The following CSMD1 variants were observed in gnomAD, a reference collection of about 807,000 sequenced individuals.
CSMD1 encodes CUB and Sushi multiple domains 1.
Under a neutral mutation model 417.5 loss-of-function variants are expected in CSMD1, and 213 were observed. The ratio of observed to expected loss-of-function variants is 0.51; its 90% confidence interval spans 0.46 to 0.57. CSMD1 has a LOEUF of 0.57. CSMD1 is among the 20% of genes least tolerant of loss of function. CSMD1 has a pLI of 0.00. For missense variants in CSMD1, 6,923 were observed against 4,529.7 expected, an observed-to-expected ratio of 1.53 and a Z score of -15.17; for synonymous variants, 2,862 against 1,736.8, an observed-to-expected ratio of 1.65 and a Z score of -16.11.
At chr8:3,532,247 G>A (rs1413997389) in intron 10 of CSMD1, among the ~76,000 whole-genome samples, 2 of 152,156 alleles carry the variant, frequency 1.3e-5, no homozygotes, top group Non-Finnish European at 2.9e-5. Flanking sequence ...AACTCTAGGT[G>A]TCAAGCCAGA....
intron 1 of CSMD1, among the ~76,000 whole-genome samples, chr8:4,683,715 A>T (rs747433589): frequency 9.9e-5 from 15 of 152,192 alleles, no homozygotes; most frequent in Non-Finnish European, 1.3e-4. Flanking sequence ...AGGGGTCCTG[A>T]TTTACTGGTA....
intron 3 of CSMD1, among the ~76,000 whole-genome samples, chr8:4,316,119 CTT>C (rs1254729937): frequency 6.6e-6 from 1 of 152,100 alleles, no homozygotes; most frequent in Non-Finnish European, 1.5e-5. Flanking sequence ...TGTTAACCCT[CTT>C]AACCATTCAA....
chr8:3,547,352 C>T (rs909441665), intron 10 of CSMD1, among the ~76,000 whole-genome samples: 4 of 152,130 alleles, frequency 2.6e-5, no homozygotes, highest in Non-Finnish European at 4.4e-5. Flanking sequence ...TTTGTACGGT[C>T]GAAAAATATC....
intron 5 of CSMD1, among the ~76,000 whole-genome samples, chr8:3,757,030 C>A (rs921491354): frequency 6.6e-6 from 1 of 152,160 alleles, no homozygotes; most frequent in African/African-American, 2.4e-5. Context: ...CTTGAACTCA[C>A]AGCCTCAAGA....
chr8:4,756,872 A>G (rs1330530766), intron 1 of CSMD1, among the ~76,000 whole-genome samples: 1 of 152,228 alleles, frequency 6.6e-6, no homozygotes, highest in Non-Finnish European at 1.5e-5. Flanking sequence ...TCACTTTTTA[A>G]CCTGAAAGCA....
intron 11 of CSMD1, among the ~76,000 whole-genome samples, chr8:3,489,891 T>C (rs112236377): frequency 6.6e-6 from 1 of 152,208 alleles, no homozygotes; most frequent in Non-Finnish European, 1.5e-5. Context: ...CAGTCTGCCA[T>C]GAAGAGGTTT....
rs147764926 is a variant in CSMD1, at chr8:4,862,722, C to T, written c.85+131610G>A. Among the ~76,000 whole-genome samples the T allele has an allele frequency of 3.3e-5, 5 of 152,130 alleles. No individual in the cohort carries two copies. In the East Asian group the frequency reaches 9.7e-4, roughly 29 times the overall value. On this transcript the variant is annotated intron_variant, in intron 1 of 69. Transcript: ENST00000635120. ...GGCCATGGGAGGAACTGTTCAAGGA[C>T]GTCTGGGCCGGAAATAAAAACACAG... is the stretch of plus-strand genomic sequence containing the variant.
At chr8:3,787,557 G>T (rs1799512657) in intron 5 of CSMD1, among the ~76,000 whole-genome samples, 1 of 152,106 alleles carries the variant, frequency 6.6e-6, no homozygotes, top group Admixed American at 6.5e-5. Context: ...TAGGTAAGAA[G>T]ATACAGATTT....
Position 3,926,100 on chromosome 8 carries a change from C to G in CSMD1, c.818+71803G>C, listed in dbSNP as rs1395790461. On this transcript the variant is annotated intron_variant, in intron 5 of 69. Transcript: ENST00000635120. Reference sequence around the variant, plus strand: ...AACACCATACACACACACACACACACACACACACACACACACACACACACA... The same window carrying G: ...AACACCATACACACACACACACACAGACACACACACACACACACACACACA... Among the ~76,000 whole-genome samples, 118 of 75,324 alleles carry G rather than the reference C, an allele frequency of 1.6e-3. 2 individuals carry two copies. In the Middle Eastern group the frequency reaches 0.029, roughly 19 times the overall value. 49.4% of individuals were successfully genotyped at this position (75,324 alleles called of 152,430 possible). A position where few individuals can be genotyped will look rare whatever the true frequency, so the allele number is the denominator to read the frequency against.
chr8:4,412,008 G>GTGTT (rs1796676265), intron 3 of CSMD1, among the ~76,000 whole-genome samples: 1 of 149,856 alleles, frequency 6.7e-6, no homozygotes, highest in South Asian at 2.1e-4. Context: ...GTGTGTGTGT[G>GTGTT]TGTGTGTGTA....
At chr8:4,225,216 G>C (rs376264782) in intron 3 of CSMD1, among the ~76,000 whole-genome samples, 12 of 152,140 alleles carry the variant, frequency 7.9e-5, no homozygotes, top group African/African-American at 2.2e-4. Context: ...CCATAAACCA[G>C]AGACGGCTAG....
chr8:4,418,247 T>C (rs929245522), intron 3 of CSMD1, among the ~76,000 whole-genome samples: 1 of 152,072 alleles, frequency 6.6e-6, no homozygotes, highest in Non-Finnish European at 1.5e-5. Flanking sequence ...AAAAAATAAA[T>C]CCAAGTTACT....
At chr8:3,170,439 A>T (rs1159067705) in intron 37 of CSMD1, among the ~76,000 whole-genome samples, 2 of 151,926 alleles carry the variant, frequency 1.3e-5, no homozygotes, top group African/African-American at 4.8e-5. Context: ...CGATCTCCTG[A>T]CCTTGTCATC....
intron 2 of CSMD1, among the ~76,000 whole-genome samples, chr8:4,578,723 A>C (rs1333855262): frequency 1.3e-5 from 2 of 149,384 alleles, no homozygotes; most frequent in African/African-American, 5.0e-5. Context: ...CTGAGGCAAG[A>C]TAATTGCTTG....
At chr8:4,440,807 C>T (rs1798423442) in intron 2 of CSMD1, among the ~76,000 whole-genome samples, 1 of 151,960 alleles carries the variant, frequency 6.6e-6, no homozygotes, top group African/African-American at 2.4e-5. Flanking sequence ...ACCAGCCTGG[C>T]TAACATGCTC....
intron 3 of CSMD1, among the ~76,000 whole-genome samples, chr8:4,368,456 G>C (rs888207862): frequency 6.6e-6 from 1 of 152,120 alleles, no homozygotes; most frequent in Non-Finnish European, 1.5e-5. Flanking sequence ...CTCTACCAGG[G>C]TTTTAATATC....
chr8:4,030,121 T>C (rs1351733997), intron 4 of CSMD1, among the ~76,000 whole-genome samples: 1 of 152,180 alleles, frequency 6.6e-6, no homozygotes, highest in Non-Finnish European at 1.5e-5. Context: ...TCTGCAGCTT[T>C]TCCAGGTGCA....
At chr8:4,921,776 A>AT (rs1487425859) in intron 1 of CSMD1, among the ~76,000 whole-genome samples, 2 of 151,964 alleles carry the variant, frequency 1.3e-5, no homozygotes, top group Non-Finnish European at 2.9e-5. Context: ...TCCACCAGCC[A>AT]TTTTTTTCTT....
chr8:3,898,338 G>A (rs1327325738), intron 5 of CSMD1, among the ~76,000 whole-genome samples: 4 of 149,124 alleles, frequency 2.7e-5, no homozygotes, highest in Admixed American at 6.9e-5. Flanking sequence ...TGTGAGCTAT[G>A]TGTGTAGTAA....
Sources: gnomAD v4.1 joint callset for allele counts (sites outside exome capture counted in the v4.1 genomes callset) on GRCh38, gnomAD v4.1.1 for gene constraint, MANE v1.5 for transcripts, NCBI Gene and HGNC (gene_info 2026-07-23, HGNC 2026-07-21) for gene names.